The following TENM1 variants were observed in gnomAD, a reference collection of about 807,000 sequenced individuals.
TENM1 encodes teneurin-1.
Under a neutral mutation model 174.8 loss-of-function variants are expected in TENM1, and 35 were observed. The ratio of observed to expected loss-of-function variants is 0.20; its 90% CI spans 0.15 to 0.27. The LOEUF (loss-of-function observed/expected upper bound fraction) is 0.27. TENM1 is among the 10% of genes least tolerant of loss of function. The pLI is 1.00. For missense variants in TENM1, 1,633 were observed against 2,130.1 expected (o/e 0.77, Z 4.59); for synonymous variants, 781 against 798.7 (o/e 0.98, Z 0.37).
At chrX:125,168,823 C>T in the TENM1 span, among the ~76,000 whole-genome samples, 1 of 111,182 alleles carries the variant, frequency 9.0e-6, no homozygotes, top group Non-Finnish European at 1.9e-5. Flanking sequence ...TAAGCCCAAC[C>T]GACATCTTGA....
At position 124,518,176 on chromosome X, in the gene TENM1, C is replaced by G. The variant is rs911164229; in HGVS notation, c.3301+2341G>C. ...AGAGCATGGGGATTTGGAGGAGGGG[C>G]TACTAGACAGGGGCTGCTATTGTCT... On this transcript the variant is annotated intron_variant, in intron 18 of 31. Transcript: ENST00000422452. Among the ~76,000 whole-genome samples, 14 of 110,530 alleles carry G rather than the reference C, an allele frequency of 1.3e-4. No individual in the cohort carries two copies. In the East Asian group the frequency reaches 3.1e-3, roughly 25 times the overall value.
At chrX:124,396,362 G>T (rs2060334055) in intron 27 of TENM1, among the ~76,000 whole-genome samples, 1 of 101,485 alleles carries the variant, frequency 9.9e-6, no homozygotes, top group Non-Finnish European at 2.0e-5. Context: ...GAGTGCAATG[G>T]CACGATCTTG....
the TENM1 span, among the ~76,000 whole-genome samples, chrX:125,110,587 A>AAT: frequency 9.7e-6 from 1 of 103,327 alleles, no homozygotes; most frequent in Non-Finnish European, 2.0e-5. Context: ...CCCCTATCCC[A>AAT]TTTTTTTTTT....
intron 25 of TENM1, among the ~76,000 whole-genome samples, chrX:124,419,123 C>G (rs1454462987): frequency 1.8e-5 from 2 of 112,058 alleles, no homozygotes; most frequent in Admixed American, 1.9e-4. Context: ...AAGAGAATTA[C>G]TTTCAAAAAA....
intron 1 of TENM1, among the ~76,000 whole-genome samples, chrX:124,954,669 C>A (rs1161850751): frequency 9.0e-6 from 1 of 111,063 alleles, no homozygotes; most frequent in Non-Finnish European, 1.9e-5. Flanking sequence ...TGGTTGCCTC[C>A]CACCACCATG....
the TENM1 span, among the ~76,000 whole-genome samples, chrX:125,070,105 C>G: frequency 1.8e-5 from 2 of 109,602 alleles, no homozygotes; most frequent in African/African-American, 6.6e-5. Flanking sequence ...GAGGGAGGAT[C>G]ACTTGAGCTT....
intron 3 of TENM1, among the ~76,000 whole-genome samples, chrX:124,773,993 C>T (rs1393103449): frequency 8.9e-6 from 1 of 111,733 alleles, no homozygotes; most frequent in Non-Finnish European, 1.9e-5. Context: ...AATAAGATCA[C>T]AACCTAAAGT....
chrX:125,157,400 G>T, the TENM1 span, among the ~76,000 whole-genome samples: 1 of 111,996 alleles, frequency 8.9e-6, no homozygotes, highest in Non-Finnish European at 1.9e-5. Flanking sequence ...TGTCAGCACC[G>T]AGTTACTACC....
intron 6 of TENM1, among the ~76,000 whole-genome samples, chrX:124,668,491 C>T (rs2051830258): frequency 8.9e-6 from 1 of 112,199 alleles, no homozygotes; most frequent in Admixed American, 9.4e-5. Context: ...AAATGTGGCA[C>T]ATATACACCA....
chrX:124,699,744 T>C (rs1427416996), intron 5 of TENM1, among the ~76,000 whole-genome samples: 1 of 111,685 alleles, frequency 9.0e-6, no homozygotes, highest in African/African-American at 3.2e-5. Context: ...GGATAAAACT[T>C]ATGGAATATA....
chrX:124,885,391 A>G (rs962636619), intron 3 of TENM1, among the ~76,000 whole-genome samples: 1 of 111,083 alleles, frequency 9.0e-6, no homozygotes, highest in African/African-American at 3.3e-5. Flanking sequence ...CCTATCTTTG[A>G]TTACAAAGAT....
rs2049194665 is a variant in TENM1, at chrX:124,577,454, T to C, written c.2078-11894A>G. The stretch of plus-strand genomic sequence containing the variant: ...CAGCATGATGAAGAAAAAAGGCATA[T>C]AAATGTCCTTATATAGTATTTCAAT... On this transcript the variant is annotated intron_variant, in intron 11 of 31. Transcript: ENST00000422452. Among the ~76,000 whole-genome samples, 3 of 111,325 alleles carry C rather than the reference T, an allele frequency of 2.7e-5. No homozygotes were observed. The South Asian group carries it at 1.2e-3, about 43-fold the overall frequency.
chrX:124,737,079 C>T (rs751565049), exon 4 of TENM1: 2 of 1,209,260 alleles, frequency 1.7e-6, no homozygotes, highest in African/African-American at 1.8e-5. Context: ...TCATTGATCT[C>T]CTCTGAAGAG....
the TENM1 span, among the ~76,000 whole-genome samples, chrX:125,133,298 G>C: frequency 4.5e-5 from 5 of 111,756 alleles, no homozygotes; most frequent in African/African-American, 1.6e-4. Context: ...CACCGTGTCC[G>C]GCCTTCTTAC....
intron 11 of TENM1, among the ~76,000 whole-genome samples, chrX:124,631,943 T>G (rs1274627829): frequency 9.9e-6 from 1 of 101,094 alleles, no homozygotes; most frequent in African/African-American, 3.6e-5. Flanking sequence ...TTGACAGTCT[T>G]GCTCTGTCAC....
At chrX:125,140,728 T>C in the TENM1 span, among the ~76,000 whole-genome samples, 1 of 111,992 alleles carries the variant, frequency 8.9e-6, no homozygotes, top group East Asian at 2.8e-4. Context: ...ATATGTAAAA[T>C]ATTATTTATC....
At chrX:124,568,943 C>T (rs1042996679) in intron 11 of TENM1, among the ~76,000 whole-genome samples, 4 of 111,805 alleles carry the variant, frequency 3.6e-5, no homozygotes, top group Non-Finnish European at 7.5e-5. Context: ...TTGGCATACA[C>T]CTGTAATCCC....
chrX:125,191,860 T>G, the TENM1 span, among the ~76,000 whole-genome samples: 1 of 111,688 alleles, frequency 9.0e-6, no homozygotes. Flanking sequence ...CAGGACCTTT[T>G]GGGAAGTGAT....
At chrX:124,754,179 T>G (rs750290337) in intron 3 of TENM1, among the ~76,000 whole-genome samples, 3 of 111,635 alleles carry the variant, frequency 2.7e-5, no homozygotes, top group African/African-American at 9.8e-5. Context: ...GTTATTGGTC[T>G]ATTCAGAGAT....
Sources: gnomAD v4.1 joint callset for allele counts (sites outside exome capture counted in the v4.1 genomes callset) on GRCh38, gnomAD v4.1.1 for gene constraint, MANE v1.5 for transcripts, NCBI Gene and HGNC (gene_info 2026-07-23, HGNC 2026-07-21) for gene names.